The following PIWIL1 variants were observed in gnomAD, a reference collection of about 807,000 sequenced individuals.
PIWIL1 encodes piwi-like protein 1.
A neutral mutation model predicts 114.4 loss-of-function variants in PIWIL1; 73 were observed. The observed-to-expected ratio is 0.64, with a 90% CI of 0.53 to 0.78. The LOEUF (loss-of-function observed/expected upper bound fraction) is 0.78, where lower values mean the gene tolerates loss of function less well. Among genes scored for constraint, PIWIL1 ranks in the 30% least tolerant of loss-of-function variants. PIWIL1 has a pLI of 0.00. For synonymous variants in PIWIL1, 375 were observed against 369.0 expected (o/e 1.02, Z -0.19); for missense variants, 723 against 1,063.1 (o/e 0.68, Z 4.45).
At chr12:130,389,721 G>A in the PIWIL1 span, among the ~76,000 whole-genome samples, 575 of 152,140 alleles carry the variant, frequency 3.8e-3, 2 homozygotes, top group Non-Finnish European at 5.4e-3. Context: ...CATCAACTTC[G>A]TATTGTTGTT....
intron 4 of PIWIL1, 58 bp from the exon 5 acceptor site, chr12:130,346,312 G>T (rs974884422): frequency 1.6e-5 from 21 of 1,340,318 alleles, no homozygotes; most frequent in Middle Eastern, 2.2e-4. Flanking sequence ...TGGTAGGAAA[G>T]ATTTCAAGGA....
chr12:130,388,219 T>A, the PIWIL1 span, among the ~76,000 whole-genome samples: 1 of 152,190 alleles, frequency 6.6e-6, no homozygotes, highest in Non-Finnish European at 1.5e-5. Context: ...GCTCAGGTGA[T>A]CCTCCTGCCT....
At chr12:130,359,320 A>T (rs556661284) in intron 14 of PIWIL1, among the ~76,000 whole-genome samples, 3 of 152,322 alleles carry the variant, frequency 2.0e-5, no homozygotes, top group African/African-American at 7.2e-5. Flanking sequence ...TGTGGCCTCA[A>T]GACTTCCTGG....
intron 3 of PIWIL1, among the ~76,000 whole-genome samples, chr12:130,344,218 A>G (rs1287940427): frequency 6.6e-6 from 1 of 152,084 alleles, no homozygotes; most frequent in Non-Finnish European, 1.5e-5. Context: ...TTAAGGAAAA[A>G]TATCAGCCTT....
intron 6 of PIWIL1, among the ~76,000 whole-genome samples, chr12:130,347,738 C>T (rs922985269): frequency 6.6e-6 from 1 of 150,720 alleles, no homozygotes; most frequent in Non-Finnish European, 1.5e-5. Flanking sequence ...AGATAGTAAA[C>T]ATCGTAGGCT....
chr12:130,375,152 T>G (rs564357885), downstream of PIWIL1, among the ~76,000 whole-genome samples: 211 of 152,316 alleles, frequency 1.4e-3, 1 homozygote, highest in African/African-American at 5.0e-3. Flanking sequence ...AGATGGTAGC[T>G]CCTGGCTTGC....
At chr12:130,417,505 A>T in the PIWIL1 span, among the ~76,000 whole-genome samples, 66 of 152,228 alleles carry the variant, frequency 4.3e-4, no homozygotes, top group African/African-American at 1.6e-3. Context: ...ACTCTCACTT[A>T]TAAGTGGGAG....
At chr12:130,375,128 C>T (rs1449037197), downstream of PIWIL1, among the ~76,000 whole-genome samples, 7 of 152,134 alleles carry the variant, frequency 4.6e-5, no homozygotes, top group East Asian at 3.9e-4. Flanking sequence ...CCCCGAGCTC[C>T]GATTCCTCCT....
chr12:130,412,595 G>A, the PIWIL1 span: 1 of 1,605,724 alleles, frequency 6.2e-7, no homozygotes, highest in Non-Finnish European at 8.5e-7. Flanking sequence ...GCACAGGGAA[G>A]GTCGAATAGG....
chr12:130,358,411 C>T (rs189287727), intron 14 of PIWIL1, among the ~76,000 whole-genome samples: 11 of 152,260 alleles, frequency 7.2e-5, no homozygotes, highest in East Asian at 3.9e-4. Flanking sequence ...GTTCACATCC[C>T]GGCTCAGCCA....
At chr12:130,363,478 G>A (rs1039700561) in intron 18 of PIWIL1, among the ~76,000 whole-genome samples, 1 of 152,126 alleles carries the variant, frequency 6.6e-6, no homozygotes, top group Non-Finnish European at 1.5e-5. Flanking sequence ...ATTCATTATT[G>A]AAATAAGTGT....
chr12:130,400,386 T>C, the PIWIL1 span, among the ~76,000 whole-genome samples: 8 of 152,216 alleles, frequency 5.3e-5, no homozygotes, highest in Non-Finnish European at 1.0e-4. Context: ...CCTCAGACAT[T>C]ACTGCTTCAG....
chr12:130,367,201 G>A lies in PIWIL1; in HGVS notation c.2264G>A (p.Arg755Lys), dbSNP rs2073683946. ...NTRFFAQSGG[R>K]LQNPLPGTVI... ...AGATTTTTTGCTCAGTCTGGAGGAA[G>A]ACTTCAGAATCCACTTCCTGGAACA... Residue 755 changes from arginine (R) to lysine (K), a missense_variant, in exon 19 of 21, where the codon AGA (arginine) becomes AAA (lysine). Physicochemically the swap from Arg to Lys is conservative, Grantham distance 26 (BLOSUM62 2). This residue lies in a region of PIWIL1 where 106 missense variants were observed against 182.8 expected (regional missense o/e 0.58). Coordinates refer to ENST00000245255, the MANE Select transcript of PIWIL1 (RefSeq NM_004764.5). 6.2e-7 allele frequency: 1 copy of A among 1,613,974 alleles called. No individual in the cohort carries two copies. The highest frequency in any genetic ancestry group is 8.5e-7 in the Non-Finnish European group (1 of 1,179,932).
chr12:130,392,137 C>CGT, the PIWIL1 span, among the ~76,000 whole-genome samples: 1 of 113,932 alleles, frequency 8.8e-6, no homozygotes, highest in Non-Finnish European at 1.9e-5. Context: ...ACCGTCATCA[C>CGT]GTGTCCGTCA....
At position 130,349,952 on chromosome 12, in the gene PIWIL1, A is replaced by T. The variant is rs772433633; in HGVS notation, c.1029A>T (p.Leu343Phe). The T allele has an allele frequency of 1.9e-6, 3 of 1,601,198 alleles. No individual in the cohort carries two copies. In the Admixed American group the frequency reaches 5.1e-5, roughly 27 times the overall value. The change falls in exon 9 of 21, where the codon TTA becomes TTT. Residue 343 changes from leucine to phenylalanine, a missense_variant. Leu to Phe is a conservative substitution (Grantham distance 22, BLOSUM62 0). Around this residue, in one of 8 missense-constraint regions of PIWIL1, gnomAD observed 298 missense variants for 420.8 expected, o/e 0.71. Coordinates refer to ENST00000245255, the MANE Select transcript of PIWIL1 (RefSeq NM_004764.5). ...CCGACGGCTCTGAAGTCAGCTTCTT[A>T]GAATACTACAGGAAGGTAAGATGCC... is the stretch of plus-strand genomic sequence containing the variant. ...KKADGSEVSF[L>F]EYYRKQYNQE...
chr12:130,387,848 AACTTAATAAAATTTACAG>A, the PIWIL1 span, among the ~76,000 whole-genome samples: 1 of 152,244 alleles, frequency 6.6e-6, no homozygotes, highest in South Asian at 2.1e-4. Flanking sequence ...GTTGGTTTTG[AACTTAATAAAATTTACAG>A]CATATCCTTG....
chr12:130,400,964 T>C, the PIWIL1 span, among the ~76,000 whole-genome samples: 1 of 152,020 alleles, frequency 6.6e-6, no homozygotes. Context: ...CTCGTGCACT[T>C]TTGGTGGGAA....
chr12:130,363,765 G>A (rs1184091693), intron 18 of PIWIL1, among the ~76,000 whole-genome samples: 2 of 151,810 alleles, frequency 1.3e-5, no homozygotes, highest in African/African-American at 4.8e-5. Flanking sequence ...TTACAGGCGT[G>A]CACCACCACA....
At chr12:130,404,861 A>G in the PIWIL1 span, among the ~76,000 whole-genome samples, 1 of 152,338 alleles carries the variant, frequency 6.6e-6, no homozygotes, top group Middle Eastern at 3.4e-3. Flanking sequence ...GACAGCATGG[A>G]GTAGTGTTAA....
Sources: allele counts gnomAD v4.1 joint callset (sites outside exome capture counted in the v4.1 genomes callset), GRCh38; gene constraint gnomAD v4.1.1; regional missense constraint gnomAD v4.1.1; transcripts MANE v1.5; gene names NCBI Gene and HGNC (gene_info 2026-07-23, HGNC 2026-07-21).